Variants in SPMIP7 observed in about 807,000 individuals in gnomAD.
SPMIP7 encodes the protein protein SPMIP7.
chr7:50,151,627 C>A, the SPMIP7 span: 1 of 1,026,126 alleles, frequency 9.7e-7, no homozygotes, highest in Non-Finnish European at 1.4e-6. Flanking sequence ...GTGGTTATTC[C>A]ATTAAAGAAC....
chr7:50,105,404 C>A, the SPMIP7 span, among the ~76,000 whole-genome samples: 118,479 of 151,574 alleles, frequency 0.78, 46,353 homozygotes, highest in East Asian at 0.88. Context: ...TTCTGTAACT[C>A]CTATATATAT....
the SPMIP7 span, among the ~76,000 whole-genome samples, chr7:50,132,640 A>G: frequency 4.6e-5 from 7 of 152,170 alleles, no homozygotes; most frequent in African/African-American, 7.2e-5. Context: ...CTTACATACA[A>G]TACTAGTCAG....
At chr7:50,137,458 C>T in the SPMIP7 span, among the ~76,000 whole-genome samples, 1 of 152,072 alleles carries the variant, frequency 6.6e-6, no homozygotes. Context: ...ATTTTTATTA[C>T]AGTTGGTACA....
At chr7:50,154,992 G>A in the SPMIP7 span, among the ~76,000 whole-genome samples, 1 of 152,106 alleles carries the variant, frequency 6.6e-6, no homozygotes, top group African/African-American at 2.4e-5. Context: ...TTGTCTTTGG[G>A]GACATGCCTG....
the SPMIP7 span, among the ~76,000 whole-genome samples, chr7:50,121,930 T>A: frequency 6.6e-6 from 1 of 151,690 alleles, no homozygotes; most frequent in Non-Finnish European, 1.5e-5. Flanking sequence ...GTGCTGGGAT[T>A]ACAGGCATGA....
the SPMIP7 span, among the ~76,000 whole-genome samples, chr7:50,103,922 T>C: frequency 6.6e-6 from 1 of 152,190 alleles, no homozygotes; most frequent in Non-Finnish European, 1.5e-5. Context: ...TACTAAATAT[T>C]TTTGAAGGCT....
At chr7:50,096,584 A>C in the SPMIP7 span, 1 of 1,551,792 alleles carries the variant, frequency 6.4e-7, no homozygotes, top group Non-Finnish European at 8.7e-7. Flanking sequence ...GCAACAGAAC[A>C]GGAGATGGAA....
chr7:50,122,580 C>A, the SPMIP7 span, among the ~76,000 whole-genome samples: 1 of 150,068 alleles, frequency 6.7e-6, no homozygotes, highest in African/African-American at 2.5e-5. Flanking sequence ...TCTAATTAAA[C>A]TAAAGAGCTT....
the SPMIP7 span, among the ~76,000 whole-genome samples, chr7:50,148,220 T>C: frequency 6.6e-6 from 1 of 152,208 alleles, no homozygotes. Flanking sequence ...TATTTGGCAA[T>C]TTATTATGCA....
chr7:50,143,027 A>T, the SPMIP7 span, among the ~76,000 whole-genome samples: 4,847 of 152,062 alleles, frequency 0.032, 102 homozygotes, highest in Non-Finnish European at 0.048. Flanking sequence ...CTCTTCTTGA[A>T]TTTTTTTCAT....
the SPMIP7 span, among the ~76,000 whole-genome samples, chr7:50,105,154 T>G: frequency 1.3e-5 from 2 of 152,218 alleles, no homozygotes; most frequent in African/African-American, 4.8e-5. Flanking sequence ...TAAATTGAGA[T>G]ACTTAAAGAA....
the SPMIP7 span, among the ~76,000 whole-genome samples, chr7:50,112,573 G>A: frequency 6.6e-6 from 1 of 152,112 alleles, no homozygotes; most frequent in African/African-American, 2.4e-5. Context: ...TGAAGTAACG[G>A]GCACTCAAGC....
the SPMIP7 span, among the ~76,000 whole-genome samples, chr7:50,130,235 G>A: frequency 6.6e-6 from 1 of 152,100 alleles, no homozygotes; most frequent in East Asian, 1.9e-4. Flanking sequence ...TGCTAATAAA[G>A]ACATACCAGA....
chr7:50,101,309 C>T, the SPMIP7 span, among the ~76,000 whole-genome samples: 6 of 152,162 alleles, frequency 3.9e-5, no homozygotes, highest in Non-Finnish European at 7.3e-5. Flanking sequence ...CAACCTATGC[C>T]CACAGAAACA....
chr7:50,158,670 C>T, the SPMIP7 span, among the ~76,000 whole-genome samples: 3 of 152,096 alleles, frequency 2.0e-5, no homozygotes, highest in African/African-American at 7.2e-5. Flanking sequence ...CATGTCTTGT[C>T]CTGGCTTCCC....
chr7:50,129,929 T>C, the SPMIP7 span: 1 of 597,684 alleles, frequency 1.7e-6, no homozygotes, highest in Non-Finnish European at 3.0e-6. Context: ...TTTACTGATA[T>C]TGATTGCTAA....
At chr7:50,102,061 C>A in the SPMIP7 span, among the ~76,000 whole-genome samples, 2 of 152,196 alleles carry the variant, frequency 1.3e-5, no homozygotes, top group Non-Finnish European at 2.9e-5. Flanking sequence ...CCGTGGCTCA[C>A]GCCTGTAATC....
the SPMIP7 span, among the ~76,000 whole-genome samples, chr7:50,123,706 C>T: frequency 2.4e-4 from 36 of 151,488 alleles, no homozygotes; most frequent in African/African-American, 7.0e-4. Flanking sequence ...GTCACTAAAA[C>T]GCAATGTAAA....
chr7:50,126,939 G>A, the SPMIP7 span, among the ~76,000 whole-genome samples: 1 of 151,832 alleles, frequency 6.6e-6, no homozygotes, highest in Non-Finnish European at 1.5e-5. Context: ...CAAAAGACCT[G>A]GAATAGCCAA....
Sources: gnomAD v4.1 joint callset for allele counts (sites outside exome capture counted in the v4.1 genomes callset) on GRCh38, gnomAD v4.1.1 for gene constraint, MANE v1.5 for transcripts, NCBI Gene and HGNC (gene_info 2026-07-23, HGNC 2026-07-21) for gene names.